FIG4: variants seen among roughly 807,000 people sequenced by gnomAD.
FIG4 encodes the protein polyphosphoinositide phosphatase.
Under a neutral mutation model 118.6 loss-of-function variants are expected in FIG4, and 112 were observed. The ratio of observed to expected loss-of-function variants is 0.94; its 90% CI spans 0.81 to 1.11. The LOEUF is 1.11. Ranked by LOEUF, FIG4 falls within the 50% of genes least tolerant of loss-of-function variation. FIG4 has a pLI of 0.00. For synonymous variants in FIG4, 369 were observed against 381.2 expected, an observed-to-expected ratio of 0.97 and a Z score of 0.37; for missense variants, 969 against 1,111.7, an observed-to-expected ratio of 0.87 and a Z score of 1.83.
intron 17 of FIG4, chr6:109,785,547 G>T: frequency 2.8e-6 from 1 of 360,184 alleles, no homozygotes; most frequent in Non-Finnish European, 6.0e-6. Flanking sequence ...AAACCTTCAA[G>T]TGTATAATAC....
chr6:109,822,320 T>C (rs1217011518), intron 22 of FIG4, among the ~76,000 whole-genome samples: 1 of 151,822 alleles, frequency 6.6e-6, no homozygotes, highest in Non-Finnish European at 1.5e-5. Flanking sequence ...ATAATAATTA[T>C]GTGTTTGTTT....
chr6:109,801,885 C>A (rs1778437739), intron 22 of FIG4, among the ~76,000 whole-genome samples: 1 of 152,234 alleles, frequency 6.6e-6, no homozygotes, highest in Non-Finnish European at 1.5e-5. Flanking sequence ...TTTGTAGATA[C>A]TGCTGTGGTC....
rs560001558 is a variant in FIG4, at chr6:109,699,554, G to A, written c.66+8053G>A. Reference sequence around the variant, plus strand: ...GTCTTGCTGTGTCGCCCAGGCTGGAGTGCAGTGGCTCGATCTCGGCTCACT... The same window carrying A: ...GTCTTGCTGTGTCGCCCAGGCTGGAATGCAGTGGCTCGATCTCGGCTCACT... On this transcript the variant is annotated intron_variant, in intron 1 of 22. Transcript: ENST00000230124. Among the ~76,000 whole-genome samples, 74 of 149,168 alleles carry A rather than the reference G, an allele frequency of 5.0e-4. 1 individual carries two copies. Among genetic ancestry groups the A allele is most frequent in the Admixed American group, 2.0e-4 (3 of 14,886 alleles).
At chr6:109,756,127 G>T (rs1776889185) in intron 10 of FIG4, among the ~76,000 whole-genome samples, 1 of 152,074 alleles carries the variant, frequency 6.6e-6, no homozygotes, top group African/African-American at 2.4e-5. Context: ...TTTAGGGCAG[G>T]CCTGGTGGTG....
chr6:109,693,437 G>A (rs1774610826), intron 1 of FIG4, among the ~76,000 whole-genome samples: 1 of 152,080 alleles, frequency 6.6e-6, no homozygotes, highest in Non-Finnish European at 1.5e-5. Context: ...GTGGATTAAG[G>A]AGCTCTAACA....
At chr6:109,766,988 T>C (rs1777299502) in intron 15 of FIG4, 93 bp downstream of exon 15, 1 of 1,054,296 alleles carries the variant, frequency 9.5e-7, no homozygotes, top group Middle Eastern at 2.1e-4. Context: ...AAATTAAAAT[T>C]TAATATTTTA....
chr6:109,712,250 T>C (rs2128380710), intron 1 of FIG4, among the ~76,000 whole-genome samples: 1 of 152,346 alleles, frequency 6.6e-6, no homozygotes, highest in Non-Finnish European at 1.5e-5. Flanking sequence ...GATCTTCTAG[T>C]GAGTATCTGA....
At chr6:109,711,078 C>CTA (rs1445222913) in intron 1 of FIG4, among the ~76,000 whole-genome samples, 2 of 152,186 alleles carry the variant, frequency 1.3e-5, no homozygotes, top group East Asian at 3.9e-4. Context: ...GTGTGGGAGT[C>CTA]TAAGTCTCTT....
At chr6:109,722,326 G>A (rs912901792) in intron 3 of FIG4, among the ~76,000 whole-genome samples, 1 of 151,940 alleles carries the variant, frequency 6.6e-6, no homozygotes, top group African/African-American at 2.4e-5. Flanking sequence ...CAGTGGCATG[G>A]CCGATAAGAT....
chr6:109,743,892 A>G (rs1776403959), intron 10 of FIG4, 120 bp downstream of exon 10: 2 of 781,758 alleles, frequency 2.6e-6, no homozygotes, highest in Admixed American at 3.8e-5. Flanking sequence ...CGTGCAGATT[A>G]TTATGCTGGG....
intron 22 of FIG4, among the ~76,000 whole-genome samples, chr6:109,807,187 G>T (rs921585097): frequency 1.3e-5 from 2 of 152,092 alleles, no homozygotes; most frequent in African/African-American, 4.8e-5. Flanking sequence ...ATCGTCACAC[G>T]GTCTTCCACA....
chr6:109,756,065 C>T (rs543154174), intron 10 of FIG4, among the ~76,000 whole-genome samples: 20 of 152,250 alleles, frequency 1.3e-4, no homozygotes, highest in South Asian at 2.1e-4. Context: ...GATTTTGCAG[C>T]GGCTGGTGCC....
intron 18 of FIG4, among the ~76,000 whole-genome samples, chr6:109,788,343 C>T (rs1778043331): frequency 6.6e-6 from 1 of 152,194 alleles, no homozygotes; most frequent in Non-Finnish European, 1.5e-5. Context: ...TGCTTAGTAA[C>T]ACTAAACAGC....
intron 15 of FIG4, among the ~76,000 whole-genome samples, chr6:109,771,109 G>A (rs532137420): frequency 1.7e-4 from 26 of 152,304 alleles, no homozygotes; most frequent in African/African-American, 6.3e-4. Context: ...GCTGTATTTG[G>A]CAATAGCAGA....
chr6:109,691,562 G>A, intron 1 of FIG4, 61 bp downstream of exon 1: 1 of 1,405,960 alleles, frequency 7.1e-7, no homozygotes, highest in Non-Finnish European at 9.9e-7. Context: ...GTGGGTGTGG[G>A]GCCGTAGGAC....
intron 4 of FIG4, among the ~76,000 whole-genome samples, chr6:109,728,387 G>A (rs1395436053): frequency 2.0e-5 from 3 of 152,010 alleles, no homozygotes; most frequent in South Asian, 2.1e-4. Context: ...CCTTGGAAAC[G>A]TGGGAAAAGC....
At chr6:109,764,107 T>G (rs751283757) in intron 13 of FIG4, 125 bp downstream of exon 13, 232 of 700,508 alleles carry the variant, frequency 3.3e-4, no homozygotes, top group Middle Eastern at 1.2e-3. Flanking sequence ...TGAGAATGAT[T>G]GTTAAAAGCC....
intron 22 of FIG4, among the ~76,000 whole-genome samples, chr6:109,801,900 T>G (rs2128399251): frequency 6.6e-6 from 1 of 152,350 alleles, no homozygotes; most frequent in East Asian, 1.9e-4. Context: ...GTGGTCTCTG[T>G]GCAGCAAGCT....
rs748284744 is a variant in FIG4 at position 109,825,086 on chromosome 6, A to G, written c.2547-2A>G. ...AGCCCTCTCTTTATTCATCTTTTATAGAACACCCATCTCGGCTTTCTCGCA... is the reference window on the plus strand; with the variant it reads ...AGCCCTCTCTTTATTCATCTTTTATGGAACACCCATCTCGGCTTTCTCGCA... On this transcript the variant is annotated splice_acceptor_variant, in intron 22 of 22. Transcript: ENST00000230124. LOFTEE classifies it high-confidence loss of function. The G allele has an allele frequency of 1.2e-6, 2 of 1,613,268 alleles. No homozygotes were observed. The highest frequency in any genetic ancestry group is 1.7e-6 in the Non-Finnish European group (2 of 1,179,202).
Sources: allele counts gnomAD v4.1 joint callset (sites outside exome capture counted in the v4.1 genomes callset), GRCh38; gene constraint gnomAD v4.1.1; transcripts MANE v1.5; gene names NCBI Gene and HGNC (gene_info 2026-07-23, HGNC 2026-07-21).